The following NCOR2 variants were observed in gnomAD, a reference collection of about 807,000 sequenced individuals.
The protein encoded by NCOR2 is CTG repeat protein 26.
A neutral mutation model predicts 262.9 loss-of-function variants in NCOR2; 81 were observed. The ratio of observed to expected loss-of-function variants is 0.31; its 90% CI spans 0.26 to 0.37. The LOEUF is 0.37. NCOR2 is among the 10% of genes least tolerant of loss of function. The pLI is 1.00. For synonymous variants in NCOR2, 1,659 were observed against 1,559.3 expected (o/e 1.06, Z -1.51); for missense variants, 3,385 against 3,621.4 (o/e 0.93, Z 1.68).
At chr12:124,477,389 A>G (rs1333938648) in intron 3 of NCOR2, among the ~76,000 whole-genome samples, 4 of 152,230 alleles carry the variant, frequency 2.6e-5, no homozygotes, top group African/African-American at 7.2e-5. Flanking sequence ...CTCTCCAGCC[A>G]TGCAGAACTG....
At chr12:124,492,282 C>A (rs2048128864) in intron 1 of NCOR2, among the ~76,000 whole-genome samples, 1 of 152,210 alleles carries the variant, frequency 6.6e-6, no homozygotes, top group African/African-American at 2.4e-5. Context: ...TGCACAGACC[C>A]ACCAGGACAC....
At chr12:124,339,819 C>T (rs1408698683) in intron 37 of NCOR2, among the ~76,000 whole-genome samples, 187 bp downstream of exon 39, 1 of 148,308 alleles carries the variant, frequency 6.7e-6, no homozygotes, top group Non-Finnish European at 1.5e-5. Context: ...CCCACTGACC[C>T]ACACACCCAC....
At chr12:124,499,638 G>A (rs1298526331), upstream of NCOR2, among the ~76,000 whole-genome samples, 1 of 152,202 alleles carries the variant, frequency 6.6e-6, no homozygotes, top group African/African-American at 2.4e-5. Context: ...GGTGAGCGAG[G>A]GCCTGGGGGT....
At chr12:124,419,881 G>T (rs2043118781) in intron 13 of NCOR2, 76 bp downstream of exon 15, 2 of 1,323,808 alleles carry the variant, frequency 1.5e-6, no homozygotes, top group African/African-American at 1.4e-5. Flanking sequence ...GCCATGCGGG[G>T]TGCTGGCCAC....
chr12:124,441,580 G>T (rs1593557637), intron 7 of NCOR2, among the ~76,000 whole-genome samples: 1 of 152,314 alleles, frequency 6.6e-6, no homozygotes, highest in South Asian at 2.1e-4. Context: ...TGCTAAATTG[G>T]TTGGCAAAAT....
intron 1 of NCOR2, among the ~76,000 whole-genome samples, chr12:124,508,987 T>G (rs1416040187): frequency 6.6e-6 from 1 of 151,996 alleles, no homozygotes; most frequent in African/African-American, 2.4e-5. Flanking sequence ...ACCCAGTGAC[T>G]CATCGGCGCC....
chr12:124,486,371 G>A (rs894544933), intron 2 of NCOR2, 70 bp downstream of exon 4: 18 of 1,586,708 alleles, frequency 1.1e-5, no homozygotes, highest in Admixed American at 7.2e-5. Flanking sequence ...GCTCTGCCAC[G>A]GGCCTCTGCT....
chr12:124,559,004 G>A (rs1304582654), intron 1 of NCOR2, among the ~76,000 whole-genome samples: 1 of 152,118 alleles, frequency 6.6e-6, no homozygotes, highest in African/African-American at 2.4e-5. Context: ...GTGAACCCTG[G>A]GAGACAAGAG....
At chr12:124,447,675 TTTTCTTTC>T (rs141423635) in intron 7 of NCOR2, among the ~76,000 whole-genome samples, 2,646 of 151,950 alleles carry the variant, frequency 0.017, 72 homozygotes, top group African/African-American at 0.061. Flanking sequence ...TTCGCTGGTA[TTTTCTTTC>T]TTTTTTCTTT....
intron 16 of NCOR2, among the ~76,000 whole-genome samples, chr12:124,391,188 G>T (rs182358972): frequency 6.6e-6 from 1 of 152,168 alleles, no homozygotes; most frequent in Non-Finnish European, 1.5e-5. Context: ...ACTCCGAGGG[G>T]ACCACACCAC....
At chr12:124,339,763 AC>A (rs1317948896) in intron 37 of NCOR2, among the ~76,000 whole-genome samples, 1 of 49,086 alleles carries the variant, frequency 2.0e-5, no homozygotes, top group African/African-American at 9.6e-5. Flanking sequence ...TAACCCGACC[AC>A]CCCCCCATCC....
Position 124,504,497 on chromosome 12 carries a change from G to A in NCOR2, c.-117-9129C>T, listed in dbSNP as rs1212290097. Among the ~76,000 whole-genome samples the A allele has an allele frequency of 1.3e-5, 2 of 152,166 alleles. No homozygotes were observed. The highest frequency in any genetic ancestry group is 2.9e-5 in the Non-Finnish European group (2 of 68,032). ...GAAAACAGTCACTAGGTTAAACCCA[G>A]AATTACCCCATGACCCAGCGATGCC... On this transcript the variant is annotated intron_variant, in intron 1 of 46. Coordinates refer to the NCOR2 transcript ENST00000404621. The surrounding 1 kb of genome is among the most constrained non-coding windows in gnomAD (Gnocchi z 4.5).
At position 124,474,044 on chromosome 12, in the gene NCOR2, A is replaced by G. The variant is rs564772621; in HGVS notation, c.412-913T>C. Among the ~76,000 whole-genome samples, 31 of 151,958 alleles carry G rather than the reference A, an allele frequency of 2.0e-4. 1 individual carries two copies. The highest frequency in any genetic ancestry group is 2.6e-4 in the Admixed American group (4 of 15,246). On this transcript the variant is annotated intron_variant, in intron 3 of 46. Coordinates refer to ENST00000405201, the Ensembl canonical transcript of NCOR2. ...TCTCCTCAAGTTGTGAAGTCTTCCAACTCCCTGTTCGCGTAACACACCTCT... is the reference window on the plus strand; with the variant it reads ...TCTCCTCAAGTTGTGAAGTCTTCCAGCTCCCTGTTCGCGTAACACACCTCT...
At chr12:124,324,832 C>CCGCACCTGGCCCTTTTGTCCG (rs1454892657) in exon 47 of NCOR2, 1 of 152,554 alleles carries the variant, frequency 6.6e-6, no homozygotes, top group South Asian at 2.1e-4. Context: ...TCCCCCCAGG[C>CCGCACCTGGCCCTTTTGTCCG]CGCACCTGGC....
upstream of NCOR2, among the ~76,000 whole-genome samples, chr12:124,539,987 C>T (rs1198435266): frequency 6.6e-6 from 1 of 152,142 alleles, no homozygotes; most frequent in Non-Finnish European, 1.5e-5. The surrounding 1 kb of genome is among the most constrained non-coding windows in gnomAD (Gnocchi z 5.1). Context: ...CGACCTGCCT[C>T]GACCAGGACA....
At chr12:124,424,113 C>T (rs1358021712) in intron 11 of NCOR2, among the ~76,000 whole-genome samples, 2 of 152,170 alleles carry the variant, frequency 1.3e-5, no homozygotes, top group Admixed American at 1.3e-4. Context: ...CCTTCGGTTA[C>T]TGAATTAACA....
intron 16 of NCOR2, among the ~76,000 whole-genome samples, chr12:124,395,081 G>A (rs1424165790): frequency 6.6e-6 from 1 of 152,190 alleles, no homozygotes; most frequent in Admixed American, 6.5e-5. Flanking sequence ...TACCTGCCCA[G>A]GCTCCCCGAG....
chr12:124,564,401 G>A (rs561345913), intron 1 of NCOR2, among the ~76,000 whole-genome samples: 5 of 152,238 alleles, frequency 3.3e-5, no homozygotes, highest in Admixed American at 1.3e-4. Context: ...AGCTCCCACC[G>A]GCAGTTCCCC....
exon 46 of NCOR2, chr12:124,326,350 C>T: frequency 6.6e-7 from 1 of 1,504,574 alleles, no homozygotes; most frequent in South Asian, 1.3e-5. Context: ...CTGCCAGAGA[C>T]CTTGGCCTTC....
Sources: gnomAD v4.1 joint callset for allele counts (sites outside exome capture counted in the v4.1 genomes callset) on GRCh38, gnomAD v4.1.1 for gene constraint, Gnocchi (gnomAD v3.1) non-coding constraint, MANE v1.5 for transcripts, NCBI Gene and HGNC (gene_info 2026-07-23, HGNC 2026-07-21) for gene names.